The following ADGRF5 variants were observed in gnomAD, a reference collection of about 807,000 sequenced individuals.
ADGRF5 encodes the protein adhesion G protein-coupled receptor F5, also known as G-protein coupled receptor 116.
In ADGRF5, 75 loss-of-function variants were observed where a neutral mutation model predicts 132.3. The observed-to-expected ratio is 0.57, with a 90% CI of 0.47 to 0.69. The LOEUF (loss-of-function observed/expected upper bound fraction) is 0.69. Ranked by LOEUF, ADGRF5 falls within the 30% of genes least tolerant of loss-of-function variation. The pLI, the probability that ADGRF5 is intolerant of heterozygous loss-of-function variation, is 0.00. For synonymous variants in ADGRF5, 629 were observed against 597.6 expected (o/e 1.05, Z -0.77); for missense variants, 1,516 against 1,630.6 (o/e 0.93, Z 1.21).
At chr6:46,918,554 A>T (rs2150920983) in intron 1 of ADGRF5, among the ~76,000 whole-genome samples, 1 of 152,368 alleles carries the variant, frequency 6.6e-6, no homozygotes, top group East Asian at 1.9e-4. Context: ...TTGAATAAAA[A>T]GTATGATCTG....
In ADGRF5 at chr6:46,873,862, T is replaced by C. The variant is rs2295254; in HGVS notation, c.1241-1849A>G. Among the ~76,000 whole-genome samples, 20 of 152,276 alleles carry C rather than the reference T, an allele frequency of 1.3e-4. No individual in the cohort carries two copies. In the East Asian group the frequency reaches 3.9e-3, roughly 29 times the overall value. On this transcript the variant is annotated intron_variant, in intron 10 of 20. Transcript: ENST00000283296. ...ACTTGGCATTTCCCCAAACAAAAAATCCTAAATTACTTGCATGCACTCACC... is the reference window on the plus strand; with the variant it reads ...ACTTGGCATTTCCCCAAACAAAAAACCCTAAATTACTTGCATGCACTCACC...
intron 1 of ADGRF5, among the ~76,000 whole-genome samples, chr6:46,953,597 A>G (rs1778579028): frequency 7.2e-6 from 1 of 139,606 alleles, no homozygotes; most frequent in Non-Finnish European, 1.5e-5. Context: ...AGGCTGGGCG[A>G]CAGAGTGAGA....
At chr6:46,903,922 A>C (rs1026281414) in intron 2 of ADGRF5, among the ~76,000 whole-genome samples, 1 of 152,184 alleles carries the variant, frequency 6.6e-6, no homozygotes, top group Non-Finnish European at 1.5e-5. Flanking sequence ...GATGAAGGAG[A>C]TATGATTTAT....
chr6:46,892,007 G>A (rs1773692558), intron 3 of ADGRF5, among the ~76,000 whole-genome samples: 2 of 152,126 alleles, frequency 1.3e-5, no homozygotes, highest in Non-Finnish European at 1.5e-5. Context: ...AGAAGGAAAT[G>A]CCTTCTCCTT....
rs1769417201 is a variant in ADGRF5 at position 46,859,146 on chromosome 6, T to C, written c.2757A>G (p.Ala919=). Reference sequence around the variant, plus strand: ...CAGTGGTTGTCATCACTAAGCTCTCTGCAAAGTTATTTTCCTGGATATCCT... The same window carrying C: ...CAGTGGTTGTCATCACTAAGCTCTCCGCAAAGTTATTTTCCTGGATATCCT... The part of the protein sequence containing the change: ...LAQDIQENNF[A]ESLVMTTTVS... Residue 919 remains alanine (A), a synonymous_variant, in exon 17 of 21, where the codon GCA becomes GCG. Coordinates refer to ENST00000283296, the MANE Select transcript of ADGRF5 (RefSeq NM_001098518.2). 1 of 1,614,082 alleles carries C rather than the reference T, an allele frequency of 6.2e-7. No individual in the cohort carries two copies. Among genetic ancestry groups the C allele is most frequent in the Non-Finnish European group, 8.5e-7 (1 of 1,179,938 alleles).
rs1412037880 is a variant in ADGRF5 at position 46,893,007 on chromosome 6, G to A, written c.158-4502C>T. ...TCATTATACTGGAGGCAAAAGATAA[G>A]TTTACATTTTAATTTAATAAAGGAA... On this transcript the variant is annotated intron_variant, in intron 3 of 20. Transcript: ENST00000283296. Among the ~76,000 whole-genome samples, 3 of 144,048 alleles carry A rather than the reference G, an allele frequency of 2.1e-5. No individual in the cohort carries two copies. In the East Asian group the frequency reaches 6.7e-4, roughly 32 times the overall value. The allele number at this position is 144,048 out of a possible 152,430, so 94.5% of individuals were successfully genotyped here. A position where few individuals can be genotyped will look rare whatever the true frequency, so the allele number is the denominator to read the frequency against.
At chr6:46,934,998 CTTTTTTTTT>C (rs56982002) in intron 1 of ADGRF5, among the ~76,000 whole-genome samples, 1 of 86,706 alleles carries the variant, frequency 1.2e-5, no homozygotes, top group African/African-American at 4.7e-5. Context: ...GGTGATAGTT[CTTTTTTTTT>C]TTTTTTTTTT....
chr6:46,922,306 G>A (rs974996293), upstream of ADGRF5, among the ~76,000 whole-genome samples: 1 of 152,114 alleles, frequency 6.6e-6, no homozygotes, highest in Non-Finnish European at 1.5e-5. Flanking sequence ...CAAGAAAGCA[G>A]AGAAAAAAAG....
chr6:46,856,744 A>G lies in ADGRF5; in HGVS notation c.3850T>C (p.Ser1284Pro), dbSNP rs1208828183. Residue 1284 changes from serine to proline, a missense_variant, in exon 19 of 21, where the codon TCG becomes CCG. Physicochemically the swap from Ser to Pro is moderately conservative, Grantham distance 74. Transcript: ENST00000283296. Reference sequence around the variant, plus strand: ...TTTGAGTGCTGTGAAGACCATCTCGACAATGAAAACTTATTCAGCAAAGCT... The same window carrying G: ...TTTGAGTGCTGTGAAGACCATCTCGGCAATGAAAACTTATTCAGCAAAGCT... ...QEALLNKFSL[S>P]RWSSQHSKST... The G allele has an allele frequency of 1.1e-5, 17 of 1,563,988 alleles. No individual in the cohort carries two copies. The highest frequency in any genetic ancestry group is 1.5e-5 in the Non-Finnish European group (17 of 1,135,804).
rs113434517 is a variant in ADGRF5, at chr6:46,868,841, A to G, written c.1621+42T>C. On this transcript the variant is annotated intron_variant, in intron 12 of 20. Transcript: ENST00000283296. ...TGGTAACTATTATTGCATGTTTCCAAGAGCCCAGGCAGCACAATACGGTGT... is the reference window on the plus strand; with the variant it reads ...TGGTAACTATTATTGCATGTTTCCAGGAGCCCAGGCAGCACAATACGGTGT... 86 of 1,287,698 alleles carry G rather than the reference A, an allele frequency of 6.7e-5. No individual in the cohort carries two copies. The African/African-American group carries it at 9.3e-4, about 14-fold the overall frequency. 79.8% of individuals were successfully genotyped at this position (1,287,698 alleles called of 1,614,324 possible).
rs775486833 is a variant in ADGRF5, at chr6:46,883,515, CCAAA to C, written c.612+40_612+43del. On this transcript the variant is annotated intron_variant, in intron 6 of 20. Coordinates refer to ENST00000283296, the MANE Select transcript of ADGRF5 (RefSeq NM_001098518.2). ...GTGAATGCAATAGACTCAGTTCAGT[CCAAA>C]CAGTTTGTTAGTTAAGAGGTTCTTG... 3 of 954,968 alleles carry C rather than the reference CCAAA, an allele frequency of 3.1e-6. No individual in the cohort carries two copies. The South Asian group carries it at 4.1e-5, about 13-fold the overall frequency. 59.2% of individuals were successfully genotyped at this position (954,968 alleles called of 1,614,324 possible).
chr6:46,877,528 A>T (rs958875014), intron 10 of ADGRF5, among the ~76,000 whole-genome samples: 3 of 152,104 alleles, frequency 2.0e-5, no homozygotes, highest in African/African-American at 7.2e-5. Context: ...TTAAAGGGTT[A>T]ATCATAAACT....
Position 46,853,806 on chromosome 6 carries a change from A to T in ADGRF5, c.*186T>A. ...CAAGGGGGAGGGGGAGGGAACAAACAGAAACATAACAATTATTTTTATTCT... is the reference window on the plus strand; with the variant it reads ...CAAGGGGGAGGGGGAGGGAACAAACTGAAACATAACAATTATTTTTATTCT... On this transcript the variant is annotated 3_prime_UTR_variant, in exon 21 of 21. Coordinates refer to ENST00000283296, the MANE Select transcript of ADGRF5 (RefSeq NM_001098518.2). The T allele has an allele frequency of 2.1e-6, 1 of 481,042 alleles. No homozygotes were observed. The highest frequency in any genetic ancestry group is 3.7e-6 in the Non-Finnish European group (1 of 272,278). 29.8% of individuals were successfully genotyped at this position (481,042 alleles called of 1,614,324 possible).
chr6:46,884,242 A>G lies in ADGRF5; in HGVS notation c.358T>C (p.Cys120Arg), dbSNP rs540476387. The G allele has an allele frequency of 4.1e-5, 66 of 1,613,920 alleles. No individual in the cohort carries two copies. In the South Asian group the frequency reaches 7.0e-4, roughly 17 times the overall value. ...CACCCATAACCTGTCTCGCAGGAGC[A>G]CCAGATTTCATTTCCAGCAGGTCTG... ...VCRPAGNEIW[C>R]SCETGYGWPR... is the part of the protein sequence containing the mutation. The change falls in exon 5 of 21, where the codon TGC becomes CGC. Residue 120 changes from cysteine to arginine, a missense_variant. Cys to Arg is a radical substitution (Grantham distance 180). This residue lies in a region of ADGRF5 where 945 missense variants were observed against 929.4 expected (regional missense o/e 1.02). Coordinates refer to ENST00000283296, the MANE Select transcript of ADGRF5 (RefSeq NM_001098518.2).
Position 46,881,425 on chromosome 6 carries a change from A to G in ADGRF5, c.814+30T>C, listed in dbSNP as rs375453577. Reference sequence around the variant, plus strand: ...CTAGGTTTACGCATAACCATAAATAACATGACCATATCTAAACAATTTCAC... The same window carrying G: ...CTAGGTTTACGCATAACCATAAATAGCATGACCATATCTAAACAATTTCAC... On this transcript the variant is annotated intron_variant, in intron 8 of 20. Coordinates refer to ENST00000283296, the MANE Select transcript of ADGRF5 (RefSeq NM_001098518.2). The G allele has an allele frequency of 7.5e-6, 12 of 1,591,812 alleles. No individual in the cohort carries two copies. The African/African-American group carries it at 1.2e-4, about 16-fold the overall frequency.
chr6:46,864,627 C>T (rs1048469031), intron 14 of ADGRF5, among the ~76,000 whole-genome samples: 2 of 151,466 alleles, frequency 1.3e-5, no homozygotes, highest in Non-Finnish European at 2.9e-5. Context: ...TGGGTTCAAG[C>T]GATTCTTCCG....
At chr6:46,895,896 C>G (rs1774135355) in intron 3 of ADGRF5, among the ~76,000 whole-genome samples, 1 of 152,040 alleles carries the variant, frequency 6.6e-6, no homozygotes, top group Non-Finnish European at 1.5e-5. Context: ...CCTTCCAACT[C>G]TGGTCTCTAC....
At chr6:46,923,548 A>G (rs564851895), upstream of ADGRF5, among the ~76,000 whole-genome samples, 1 of 152,316 alleles carries the variant, frequency 6.6e-6, no homozygotes, top group African/African-American at 2.4e-5. Context: ...TAGATTGGAT[A>G]CACCCTAACT....
chr6:46,881,311 G>T, intron 8 of ADGRF5, 144 bp downstream of exon 8: 1 of 657,504 alleles, frequency 1.5e-6, no homozygotes. Flanking sequence ...GGAGGCACTG[G>T]CATAAGAGGA....
Sources: allele counts gnomAD v4.1 joint callset (sites outside exome capture counted in the v4.1 genomes callset), GRCh38; gene constraint gnomAD v4.1.1; regional missense constraint gnomAD v4.1.1; transcripts MANE v1.5; gene names NCBI Gene and HGNC (gene_info 2026-07-23, HGNC 2026-07-21).